Variants in SGCZ observed in about 807,000 individuals in gnomAD.
The protein encoded by SGCZ is sarcoglycan zeta, also known as zeta-sarcoglycan.
SGCZ carries 40 observed loss-of-function variants against 41.3 expected under a neutral mutation model. The observed-to-expected ratio is 0.97, with a 90% CI of 0.75 to 1.26. SGCZ has a LOEUF of 1.26. Among genes scored for constraint, SGCZ ranks in the 50% most tolerant of loss-of-function variants. SGCZ has a pLI of 0.00. For missense variants in SGCZ, 552 were observed against 369.8 expected (o/e 1.49, Z -4.04); for synonymous variants, 206 against 137.5 (o/e 1.50, Z -3.49).
chr8:14,643,517 G>A (rs1372677216), intron 1 of SGCZ, among the ~76,000 whole-genome samples: 1 of 151,106 alleles, frequency 6.6e-6, no homozygotes, highest in African/African-American at 2.4e-5. Flanking sequence ...AGAAAGAAAG[G>A]TCAGGGAGAT....
intron 1 of SGCZ, among the ~76,000 whole-genome samples, chr8:14,596,402 G>C (rs10106070): frequency 6.6e-6 from 1 of 151,702 alleles, no homozygotes. Flanking sequence ...TTTATCACTC[G>C]GCAATAAAAA....
At chr8:14,464,534 T>A (rs940090529) in intron 2 of SGCZ, among the ~76,000 whole-genome samples, 1 of 150,838 alleles carries the variant, frequency 6.6e-6, no homozygotes, top group Non-Finnish European at 1.5e-5. Flanking sequence ...GTTGTGTTGA[T>A]CTTTTCAAAG....
intron 3 of SGCZ, among the ~76,000 whole-genome samples, chr8:14,248,144 C>G (rs1799169889): frequency 6.6e-6 from 1 of 152,074 alleles, no homozygotes; most frequent in East Asian, 1.9e-4. Context: ...ATGGAACTCC[C>G]CAGTGGTGAG....
intron 1 of SGCZ, among the ~76,000 whole-genome samples, chr8:15,010,010 A>C (rs1284205579): frequency 1.3e-5 from 2 of 152,152 alleles, no homozygotes; most frequent in African/African-American, 4.8e-5. Flanking sequence ...GTTTTTGGAG[A>C]AAATATGTGT....
intron 1 of SGCZ, among the ~76,000 whole-genome samples, chr8:15,138,071 T>C (rs1003886021): frequency 6.6e-6 from 1 of 152,164 alleles, no homozygotes; most frequent in African/African-American, 2.4e-5. Context: ...ACCTCTTGCA[T>C]CAGCATGACT....
At chr8:14,886,314 A>G (rs1299301961) in intron 1 of SGCZ, among the ~76,000 whole-genome samples, 2 of 151,984 alleles carry the variant, frequency 1.3e-5, no homozygotes, top group East Asian at 3.9e-4. Flanking sequence ...GCTCTCAGAG[A>G]ACATATATCC....
intron 2 of SGCZ, among the ~76,000 whole-genome samples, chr8:14,456,826 T>A (rs1800758860): frequency 6.6e-6 from 1 of 152,194 alleles, no homozygotes; most frequent in Admixed American, 6.5e-5. Context: ...GGCATACTGC[T>A]GTCTTTGTGA....
intron 4 of SGCZ, among the ~76,000 whole-genome samples, chr8:14,173,883 A>G (rs1804464230): frequency 1.3e-5 from 2 of 152,236 alleles, no homozygotes; most frequent in African/African-American, 4.8e-5. Context: ...CAAATCTTAC[A>G]AGAGATATAT....
At chr8:15,094,246 C>G (rs988161031) in intron 1 of SGCZ, among the ~76,000 whole-genome samples, 9 of 152,068 alleles carry the variant, frequency 5.9e-5, no homozygotes, top group African/African-American at 2.2e-4. Flanking sequence ...GCAATCCTCC[C>G]ACCTCAGCCT....
chr8:14,132,983 C>T (rs1029595420), intron 5 of SGCZ, among the ~76,000 whole-genome samples: 2 of 152,012 alleles, frequency 1.3e-5, no homozygotes, highest in African/African-American at 4.8e-5. Context: ...AGAAGATTTC[C>T]TTGAATGCTA....
intron 1 of SGCZ, among the ~76,000 whole-genome samples, chr8:14,735,309 T>C (rs1403209508): frequency 1.3e-5 from 2 of 152,158 alleles, no homozygotes; most frequent in East Asian, 3.9e-4. Context: ...GTCAGTGGAC[T>C]AGGAGAAGAA....
chr8:14,287,705 G>C (rs1294979964), intron 3 of SGCZ, among the ~76,000 whole-genome samples: 1 of 151,912 alleles, frequency 6.6e-6, no homozygotes, highest in Non-Finnish European at 1.5e-5. Context: ...AAGTTCTTCA[G>C]GTTCCCCCAT....
chr8:14,319,024 T>G (rs1726029124), intron 3 of SGCZ, among the ~76,000 whole-genome samples: 1 of 151,828 alleles, frequency 6.6e-6, no homozygotes, highest in Non-Finnish European at 1.5e-5. Context: ...AAACTCTAGA[T>G]GACAGTCACT....
intron 1 of SGCZ, among the ~76,000 whole-genome samples, chr8:14,718,655 A>C (rs538564628): frequency 4.8e-4 from 2 of 4,198 alleles, no homozygotes; most frequent in Admixed American, 3.8e-3. Flanking sequence ...GGAGTATGCT[A>C]TAATAAAAAA....
chr8:15,064,361 A>G (rs1805045995), intron 1 of SGCZ, among the ~76,000 whole-genome samples: 1 of 152,026 alleles, frequency 6.6e-6, no homozygotes, highest in Non-Finnish European at 1.5e-5. Flanking sequence ...ATCTACTCTA[A>G]CATTTTCCCT....
intron 2 of SGCZ, among the ~76,000 whole-genome samples, chr8:14,422,000 C>T (rs61218889): frequency 6.6e-6 from 1 of 151,918 alleles, no homozygotes; most frequent in African/African-American, 2.4e-5. Flanking sequence ...TTTATATTAG[C>T]GAAGTCTCCA....
At chr8:14,340,069 A>G (rs1802649664) in intron 2 of SGCZ, among the ~76,000 whole-genome samples, 1 of 152,312 alleles carries the variant, frequency 6.6e-6, no homozygotes, top group African/African-American at 2.4e-5. Context: ...GAAGTTAAAA[A>G]TAAAGCAAAA....
At chr8:15,193,906 C>G (rs376225816) in intron 1 of SGCZ, among the ~76,000 whole-genome samples, 10 of 152,162 alleles carry the variant, frequency 6.6e-5, no homozygotes, top group Middle Eastern at 3.4e-3. Flanking sequence ...CAATTGCCTT[C>G]AAATCACTAC....
At chr8:14,469,426 T>C (rs1471643007) in intron 2 of SGCZ, among the ~76,000 whole-genome samples, 1 of 152,140 alleles carries the variant, frequency 6.6e-6, no homozygotes, top group Non-Finnish European at 1.5e-5. Flanking sequence ...CAGGAATCTC[T>C]CCTTCATAGC....
Sources: allele counts gnomAD v4.1 joint callset (sites outside exome capture counted in the v4.1 genomes callset), GRCh38; gene constraint gnomAD v4.1.1; transcripts MANE v1.5; gene names NCBI Gene and HGNC (gene_info 2026-07-23, HGNC 2026-07-21).